Variants in EHHADH observed in about 807,000 individuals in gnomAD.
EHHADH encodes the protein enoyl-CoA hydratase and 3-hydroxyacyl CoA dehydrogenase, also known as peroxisomal bifunctional enzyme.
A neutral mutation model predicts 64.4 loss-of-function variants in EHHADH; 48 were observed. The observed-to-expected ratio is 0.75, with a 90% CI of 0.59 to 0.95. EHHADH has a LOEUF of 0.95. Among genes scored for constraint, EHHADH ranks in the 40% least tolerant of loss-of-function variants. The probability of loss-of-function intolerance (pLI) is 0.00; values close to 1 mark genes in which losing one functional copy is unlikely to be tolerated. For missense variants in EHHADH, 854 were observed against 876.6 expected, an observed-to-expected ratio of 0.97 and a Z score of 0.33; for synonymous variants, 308 against 326.7, an observed-to-expected ratio of 0.94 and a Z score of 0.62.
chr3:185,218,067 G>A (rs755562833), intron 5 of EHHADH, 69 bp downstream of exon 5: 8 of 1,197,888 alleles, frequency 6.7e-6, no homozygotes, highest in Admixed American at 2.1e-5. Context: ...GCCCGGCCAG[G>A]AGTTTCTTAT....
At chr3:185,240,134 C>G (rs182069185) in intron 2 of EHHADH, among the ~76,000 whole-genome samples, 2 of 151,808 alleles carry the variant, frequency 1.3e-5, no homozygotes, top group African/African-American at 4.8e-5. Flanking sequence ...GATGTAATAT[C>G]TTTTTGAAGT....
chr3:185,217,850 C>G (rs914940008), intron 5 of EHHADH, among the ~76,000 whole-genome samples: 4 of 151,574 alleles, frequency 2.6e-5, no homozygotes, highest in African/African-American at 7.3e-5. Context: ...CTGCAAGCTC[C>G]GCCTCCCGGG....
chr3:185,227,630 A>T (rs1719017616), intron 4 of EHHADH, among the ~76,000 whole-genome samples: 1 of 151,960 alleles, frequency 6.6e-6, no homozygotes, highest in Non-Finnish European at 1.5e-5. Flanking sequence ...GTTCGAGACA[A>T]GCCTGACCAA....
intron 4 of EHHADH, among the ~76,000 whole-genome samples, chr3:185,228,838 C>T (rs1370507078): frequency 3.9e-5 from 6 of 151,908 alleles, no homozygotes; most frequent in African/African-American, 1.4e-4. Flanking sequence ...GAGTCTCGCT[C>T]TGTTGCCCAG....
chr3:185,237,693 A>G (rs536845190), intron 2 of EHHADH, among the ~76,000 whole-genome samples: 10 of 152,352 alleles, frequency 6.6e-5, no homozygotes, highest in African/African-American at 2.4e-4. Context: ...TTCCTAGGAC[A>G]AAAGTGATAT....
At position 185,204,653 on chromosome 3, in the gene EHHADH, G is replaced by T. The variant is rs762656795; in HGVS notation, c.673C>A (p.Pro225Thr). Residue 225 changes from proline to threonine, a missense_variant, in exon 6 of 7, where the codon CCT (proline) becomes ACT (threonine). Coordinates refer to ENST00000231887, the MANE Select transcript of EHHADH (RefSeq NM_001966.4). Reference sequence around the variant, plus strand: ...CAAGCCTCCTGTGCAAGACACCCAGGGTGCTGCCTCCGCATCTTCAAGAGG... The same window carrying T: ...CAAGCCTCCTGTGCAAGACACCCAGTGTGCTGCCTCCGCATCTTCAAGAGG... ...EALLKMRRQHPGCLAQEACVR... is the reference protein window; with the variant it reads ...EALLKMRRQHTGCLAQEACVR... The T allele has an allele frequency of 1.2e-6, 2 of 1,614,198 alleles. No individual in the cohort carries two copies. The highest frequency in any genetic ancestry group is 1.7e-6 in the Non-Finnish European group (2 of 1,180,032).
At chr3:185,203,331 T>C (rs1020543404) in intron 6 of EHHADH, among the ~76,000 whole-genome samples, 2 of 152,136 alleles carry the variant, frequency 1.3e-5, no homozygotes, top group Admixed American at 6.5e-5. Flanking sequence ...TTTTTTGTAC[T>C]ATTATAACTT....
chr3:185,212,051 TAGAG>T (rs141418617), intron 5 of EHHADH, among the ~76,000 whole-genome samples: 1 of 151,154 alleles, frequency 6.6e-6, no homozygotes, highest in Admixed American at 6.6e-5. Context: ...CTGGGGAAGG[TAGAG>T]AGAGAGAGAG....
At chr3:185,236,150 A>G (rs1719286236) in intron 2 of EHHADH, among the ~76,000 whole-genome samples, 1 of 152,212 alleles carries the variant, frequency 6.6e-6, no homozygotes, top group Admixed American at 6.5e-5. Flanking sequence ...ATAATTTAAT[A>G]TTTTGAGGAG....
intron 5 of EHHADH, among the ~76,000 whole-genome samples, chr3:185,212,066 C>A (rs1034491586): frequency 1.3e-5 from 2 of 152,120 alleles, no homozygotes; most frequent in African/African-American, 4.8e-5. Flanking sequence ...AGAGAGAGAG[C>A]CTTTAGTCTC....
At position 185,193,016 on chromosome 3, in the gene EHHADH, T is replaced by C; in HGVS notation, c.1382A>G (p.Asn461Ser). 6.2e-7 allele frequency: 1 copy of C among 1,614,218 alleles called. No homozygotes were observed. Among genetic ancestry groups the C allele is most frequent in the Non-Finnish European group, 8.5e-7 (1 of 1,180,034 alleles). Reference protein sequence around the residue: ...SSPTTIATVMNLSKKIKKIGV... With the variant: ...SSPTTIATVMSLSKKIKKIGV... ...AATCTTTTTAATCTTTTTTGATAAG[T>C]TCATAACAGTGGCAATGGTAGTGGG... is the stretch of plus-strand genomic sequence containing the variant. Residue 461 changes from asparagine to serine, a missense_variant, in exon 7 of 7, where the codon AAC (asparagine) becomes AGC (serine). Physicochemically the swap from Asn to Ser is conservative, Grantham distance 46. Coordinates refer to ENST00000231887, the MANE Select transcript of EHHADH (RefSeq NM_001966.4).
At chr3:185,219,473 C>T (rs968961249) in intron 4 of EHHADH, among the ~76,000 whole-genome samples, 13 of 152,296 alleles carry the variant, frequency 8.5e-5, no homozygotes, top group African/African-American at 3.1e-4. Context: ...AGCATCCAAT[C>T]ATGCCATTGG....
rs375593577 is a variant in EHHADH, at chr3:185,253,977, G to T, written c.46C>A (p.Leu16Ile). 2 of 1,614,016 alleles carry T rather than the reference G, an allele frequency of 1.2e-6. No homozygotes were observed. Among genetic ancestry groups the T allele is most frequent in the East Asian group, 4.5e-5 (2 of 44,860 alleles). Residue 16 changes from leucine (L) to isoleucine (I), a missense_variant, in exon 1 of 7, where the codon CTC (leucine) becomes ATC (isoleucine). Physicochemically the swap from Leu to Ile is conservative, Grantham distance 5. Transcript: ENST00000231887. ...ATCGCGTTGACCGGCGGGTTTCGGA[G>T]GCGGATTAGCGCCAAGGCGTTGTGC... ...RLHNALALIR[L>I]RNPPVNAIST...
intron 6 of EHHADH, among the ~76,000 whole-genome samples, chr3:185,203,643 GC>G (rs1718292126): frequency 6.6e-6 from 1 of 152,182 alleles, no homozygotes; most frequent in Non-Finnish European, 1.5e-5. Context: ...AAGTAAGGAA[GC>G]CATGGTTTCA....
chr3:185,229,442 T>C lies in EHHADH; in HGVS notation c.453A>G (p.Leu151=). The part of the protein sequence containing the change: ...RLTGVPAALD[L]ITSGRRILAD... Reference sequence around the variant, plus strand: ...AAGGTCTATACTGACCTGAGGTAATTAAGTCAAGTGCAGCAGGAACTCCAG... The same window carrying C: ...AAGGTCTATACTGACCTGAGGTAATCAAGTCAAGTGCAGCAGGAACTCCAG... Residue 151 remains leucine (L), a synonymous_variant, in exon 4 of 7, where the codon TTA becomes TTG. Coordinates refer to ENST00000231887, the MANE Select transcript of EHHADH (RefSeq NM_001966.4). 6.5e-7 allele frequency: 1 copy of C among 1,534,342 alleles called. No individual in the cohort carries two copies. The highest frequency in any genetic ancestry group is 8.8e-7 in the Non-Finnish European group (1 of 1,132,874).
At chr3:185,204,823 A>G in intron 5 of EHHADH, 66 bp from the exon 6 acceptor site, 1 of 1,313,770 alleles carries the variant, frequency 7.6e-7, no homozygotes, top group Non-Finnish European at 1.1e-6. Flanking sequence ...GTGAATATAT[A>G]GTAATAACAA....
At chr3:185,210,402 G>A (rs982796625) in intron 5 of EHHADH, among the ~76,000 whole-genome samples, 3 of 152,180 alleles carry the variant, frequency 2.0e-5, no homozygotes, top group East Asian at 1.9e-4. Context: ...TTGGGAGGCC[G>A]AGGCAGGTGG....
chr3:185,253,776 A>T, intron 1 of EHHADH, 173 bp downstream of exon 1: 6 of 1,311,030 alleles, frequency 4.6e-6, no homozygotes, highest in Non-Finnish European at 5.9e-6. Context: ...AAAAAAAAAA[A>T]GAAAAGAAAA....
At position 185,253,931 on chromosome 3, in the gene EHHADH, G is replaced by A. The variant is rs1019622299; in HGVS notation, c.74+18C>T. ...AGGCCCGCACGGTCCCCGGGCTGGAGGCGACCGAGCCCGTTACCTGATCGC... is the reference window on the plus strand; with the variant it reads ...AGGCCCGCACGGTCCCCGGGCTGGAAGCGACCGAGCCCGTTACCTGATCGC... On this transcript the variant is annotated intron_variant, in intron 1 of 6. Transcript: ENST00000231887. 6.2e-7 allele frequency: 1 copy of A among 1,613,958 alleles called. No individual in the cohort carries two copies. Among genetic ancestry groups the A allele is most frequent in the Admixed American group, 1.7e-5 (1 of 60,022 alleles).
Sources: allele counts gnomAD v4.1 joint callset (sites outside exome capture counted in the v4.1 genomes callset), GRCh38; gene constraint gnomAD v4.1.1; transcripts MANE v1.5; gene names NCBI Gene and HGNC (gene_info 2026-07-23, HGNC 2026-07-21).